The following IL4I1 variants were observed in gnomAD, a reference collection of about 807,000 sequenced individuals.
IL4I1 encodes L-amino-acid oxidase.
Under a neutral mutation model 29.7 loss-of-function variants are expected in IL4I1, and 24 were observed. The observed-to-expected ratio is 0.81, with a 90% confidence interval of 0.59 to 1.14. The LOEUF (loss-of-function observed/expected upper bound fraction) is 1.14. Ranked by LOEUF, IL4I1 falls within the 50% of genes most tolerant of loss-of-function variation. The pLI is 0.00. For synonymous variants in IL4I1, 371 were observed against 352.5 expected (o/e 1.05, Z -0.59); for missense variants, 686 against 785.6 (o/e 0.87, Z 1.52).
intron 4 of IL4I1, 95 bp from the exon 5 acceptor site, chr19:49,894,564 G>A (rs2075181125): frequency 7.7e-6 from 7 of 910,246 alleles, no homozygotes; most frequent in African/African-American, 1.7e-5. Flanking sequence ...GGGGAGAGTA[G>A]CTGGGGACCA....
chr19:49,896,837 C>T lies in IL4I1; in HGVS notation c.-25G>A, dbSNP rs16981522. ...CCCACCACTGGCCGTGTCACTACCT[C>T]CAGCTCTTGGTGACAGCAGGACAGC... On this transcript the variant is annotated splice_region_variant and 5_prime_UTR_variant, in exon 1 of 8. Transcript: ENST00000391826. 27,516 of 986,252 alleles carry T rather than the reference C, an allele frequency of 0.028. 524 individuals carry two copies. Among genetic ancestry groups the T allele is most frequent in the East Asian group, 0.11 (945 of 8,848 alleles). The allele number at this position is 986,252 out of a possible 1,614,324, so 61.1% of individuals were successfully genotyped here. A position where few individuals can be genotyped will look rare whatever the true frequency, so the allele number is the denominator to read the frequency against.
chr19:49,913,521 C>G (rs12462389), intron 2 of IL4I1, among the ~76,000 whole-genome samples: 11,701 of 152,192 alleles, frequency 0.077, 761 homozygotes, highest in East Asian at 0.29. Context: ...CATGTCCTCC[C>G]CACAACCCGG....
At chr19:49,909,615 G>C (rs370542908) in intron 2 of IL4I1, 13 of 1,613,282 alleles carry the variant, frequency 8.1e-6, no homozygotes, top group Admixed American at 5.0e-5. Flanking sequence ...GCCGGAGTCT[G>C]GGTGGCAAGT....
chr19:49,929,489 T>G (rs2076015216), exon 1 of IL4I1: 1 of 151,178 alleles, frequency 6.6e-6, no homozygotes, highest in Non-Finnish European at 1.5e-5. Flanking sequence ...GGGTGGGGAG[T>G]CGCGAGCGGG....
intron 2 of IL4I1, chr19:49,908,689 G>A (rs61755736): frequency 6.2e-7 from 1 of 1,612,224 alleles, no homozygotes; most frequent in Non-Finnish European, 8.5e-7. Flanking sequence ...GGTGCAGGCT[G>A]GTGATCTTTT....
At chr19:49,901,700 G>T (rs1294915222), upstream of IL4I1, 1 of 1,535,160 alleles carries the variant, frequency 6.5e-7, no homozygotes, top group South Asian at 1.2e-5. Flanking sequence ...GCCCAGGACA[G>T]AAGTCATCGT....
intron 4 of IL4I1, 126 bp downstream of exon 4, chr19:49,894,942 G>C: frequency 1.4e-6 from 1 of 710,350 alleles, no homozygotes; most frequent in East Asian, 2.7e-5. Context: ...GTGAGGATTA[G>C]GCGAAGGATG....
chr19:49,898,437 G>A (rs554111417), upstream of IL4I1, among the ~76,000 whole-genome samples: 21 of 151,150 alleles, frequency 1.4e-4, no homozygotes, highest in African/African-American at 4.6e-4. Context: ...CCAGGGGCTC[G>A]AGACCAGCCT....
rs146213447 is a variant in IL4I1 at position 49,889,759 on chromosome 19, G to T, written c.1615C>A (p.His539Asn). ...HVHGVASSPS[H>N]DLAKEEGSHP... ...CTGCCTTCTTCCTTTGCCAGGTCAT[G>T]CGAGGGGCTGCTGGCCACCCCATGC... is the stretch of plus-strand genomic sequence containing the variant. Residue 539 changes from histidine (H) to asparagine (N), a missense_variant, in exon 8 of 8, where the codon CAT (histidine) becomes AAT (asparagine). His to Asn is a moderately conservative substitution (Grantham distance 68). Transcript: ENST00000391826. 13 of 1,523,260 alleles carry T rather than the reference G, an allele frequency of 8.5e-6. No individual in the cohort carries two copies. Among genetic ancestry groups the T allele is most frequent in the Non-Finnish European group, 1.1e-5 (13 of 1,135,810 alleles). 94.4% of individuals were successfully genotyped at this position (1,523,260 alleles called of 1,614,324 possible). A position where few individuals can be genotyped will look rare whatever the true frequency, so the allele number is the denominator to read the frequency against.
intron 2 of IL4I1, among the ~76,000 whole-genome samples, chr19:49,905,721 C>G (rs1306193976): frequency 6.6e-6 from 1 of 152,142 alleles, no homozygotes; most frequent in East Asian, 1.9e-4. Flanking sequence ...CACAGCCTCC[C>G]GAGTAGCTGG....
chr19:49,927,492 G>C (rs944073016), intron 2 of IL4I1, among the ~76,000 whole-genome samples: 1 of 152,160 alleles, frequency 6.6e-6, no homozygotes. Flanking sequence ...CCACGGGTGG[G>C]ACAAGCTCAG....
At chr19:49,900,122 C>T (rs1192380264), upstream of IL4I1, among the ~76,000 whole-genome samples, 1 of 152,178 alleles carries the variant, frequency 6.6e-6, no homozygotes, top group Non-Finnish European at 1.5e-5. Context: ...CAAGCATGAG[C>T]CACTATGCCC....
rs772058191 is a variant in IL4I1 at position 49,890,090 on chromosome 19, C to T, written c.1284G>A (p.Gly428=). Residue 428 remains glycine, a synonymous_variant, in exon 8 of 8, where the codon GGG becomes GGA. Transcript: ENST00000391826. ...CGTCCCAGAGCTGGCGCACGACAGG[C>T]CCGTGCAATGCCGCCACGTCGTCGA... ...LALDDVAALH[G]PVVRQLWDGT... 17 of 1,546,494 alleles carry T rather than the reference C, an allele frequency of 1.1e-5. No homozygotes were observed. The highest frequency in any genetic ancestry group is 1.7e-4 in the Middle Eastern group (1 of 5,908).
chr19:49,907,557 T>C (rs1034678771), intron 2 of IL4I1: 13 of 388,756 alleles, frequency 3.3e-5, no homozygotes, highest in Non-Finnish European at 6.0e-5. Flanking sequence ...TTTTTTTTTT[T>C]TGAGACAGAG....
chr19:49,924,233 C>G (rs2075830581), intron 2 of IL4I1, among the ~76,000 whole-genome samples: 1 of 152,150 alleles, frequency 6.6e-6, no homozygotes, highest in Admixed American at 6.5e-5. Context: ...CCCCCCTTAC[C>G]TCTCGGGACC....
At chr19:49,898,346 A>G (rs557940562), upstream of IL4I1, among the ~76,000 whole-genome samples, 9 of 151,992 alleles carry the variant, frequency 5.9e-5, no homozygotes, top group Non-Finnish European at 1.2e-4. Flanking sequence ...AAAATAAAAA[A>G]TAGTAATGAG....
chr19:49,901,678 C>G (rs2075273395), upstream of IL4I1: 10 of 1,540,284 alleles, frequency 6.5e-6, no homozygotes, highest in Non-Finnish European at 8.8e-6. Flanking sequence ...GCACCCATGG[C>G]CTTTATGGTT....
At position 49,891,388 on chromosome 19, in the gene IL4I1, C is replaced by T. The variant is rs749170341; in HGVS notation, c.636+17G>A. On this transcript the variant is annotated intron_variant, in intron 6 of 7. Coordinates refer to ENST00000391826, the MANE Select transcript of IL4I1 (RefSeq NM_152899.2). ...CTCTTTGCCCTGCATCTCAGCAGAA[C>T]CAAGATCCCCACTTACCAAGAGCGT... The T allele has an allele frequency of 2.5e-6, 4 of 1,613,490 alleles. No individual in the cohort carries two copies. The highest frequency in any genetic ancestry group is 4.5e-5 in the East Asian group (2 of 44,872).
intron 2 of IL4I1, chr19:49,907,050 G>A (rs895432901): frequency 1.3e-5 from 2 of 154,356 alleles, no homozygotes; most frequent in African/African-American, 4.8e-5. Context: ...CTATTTCTGT[G>A]GACTGACGTT....
Sources: allele counts gnomAD v4.1 joint callset (sites outside exome capture counted in the v4.1 genomes callset), GRCh38; gene constraint gnomAD v4.1.1; transcripts MANE v1.5; gene names NCBI Gene and HGNC (gene_info 2026-07-23, HGNC 2026-07-21).